Variants in TADA2A observed in about 807,000 individuals in gnomAD.
TADA2A encodes transcriptional adapter 2-alpha.
A neutral mutation model predicts 67.4 loss-of-function variants in TADA2A; 38 were observed. That is an observed-to-expected ratio of 0.56 (90% CI 0.44 to 0.74). TADA2A has a LOEUF of 0.74. TADA2A is among the 30% of genes least tolerant of loss of function. TADA2A has a pLI of 0.00. For missense variants in TADA2A, 454 were observed against 547.0 expected, an observed-to-expected ratio of 0.83 and a Z score of 1.70; for synonymous variants, 192 against 181.6, an observed-to-expected ratio of 1.06 and a Z score of -0.46.
At chr17:37,460,111 A>G in intron 9 of TADA2A, among the ~76,000 whole-genome samples, 1 of 150,060 alleles carries the variant, frequency 6.7e-6, no homozygotes, top group East Asian at 2.0e-4. Context: ...ACAGGGTCTC[A>G]CAATGTTGCC....
In TADA2A at chr17:37,458,637, T is replaced by TTTTTTGTG. The variant is rs1230849870; in HGVS notation, c.668+51_668+52insTTTTGTGT. The TTTTTTGTG allele has an allele frequency of 7.1e-6, 7 of 981,564 alleles. No individual in the cohort carries two copies. The South Asian group carries it at 8.9e-5, about 13-fold the overall frequency. The allele number at this position is 981,564 out of a possible 1,614,324, so 60.8% of individuals were successfully genotyped here. A position where few individuals can be genotyped will look rare whatever the true frequency, so the allele number is the denominator to read the frequency against. On this transcript the variant is annotated intron_variant, in intron 9 of 15. Coordinates refer to ENST00000615182, the MANE Select transcript of TADA2A (RefSeq NM_001166105.3). ...CTCCTTTCAGCTTTGGATTATTGTT[T>TTTTTTGTG]TGTGTGTGTGTGTGTGTGTGTGTGT...
rs1192284555 is a variant in TADA2A at position 37,406,966 on chromosome 17, C to T, written c.-98+17C>T. On this transcript the variant is annotated intron_variant, in intron 1 of 15. Transcript: ENST00000615182. ...CTCGGCGAGGTGAGGCGCCAGGCAG[C>T]GCTGGGCGGGCGGGCGGGCGGGTGG... is the stretch of plus-strand genomic sequence containing the variant. 2 of 50,968 alleles carry T rather than the reference C, an allele frequency of 3.9e-5. No individual in the cohort carries two copies. Among genetic ancestry groups the T allele is most frequent in the Non-Finnish European group, 3.3e-5 (1 of 30,584 alleles). The allele number at this position is 50,968 out of a possible 1,614,324, so 3.2% of individuals were successfully genotyped here.
At position 37,478,995 on chromosome 17, in the gene TADA2A, C is replaced by T. The variant is rs1216676227; in HGVS notation, c.*2013C>T. Reference sequence around the variant, plus strand: ...CCCCTAGTTGGTTGTGAAGTGATTGCCTCTTATCCCTGAAAGGAAACTCCT... The same window carrying T: ...CCCCTAGTTGGTTGTGAAGTGATTGTCTCTTATCCCTGAAAGGAAACTCCT... On this transcript the variant is annotated 3_prime_UTR_variant, in exon 16 of 16. Transcript: ENST00000615182. The T allele has an allele frequency of 6.6e-6, 1 of 152,150 alleles. No homozygotes were observed. The highest frequency in any genetic ancestry group is 2.1e-4 in the South Asian group (1 of 4,828). The allele number at this position is 152,150 out of a possible 1,614,324, so 9.4% of individuals were successfully genotyped here. A position where few individuals can be genotyped will look rare whatever the true frequency, so the allele number is the denominator to read the frequency against.
intron 4 of TADA2A, among the ~76,000 whole-genome samples, chr17:37,427,423 C>G (rs1352034028): frequency 1.3e-5 from 2 of 152,154 alleles, no homozygotes; most frequent in East Asian, 3.8e-4. Context: ...AGTTCATTCC[C>G]TTGCCTTGGG....
intron 4 of TADA2A, among the ~76,000 whole-genome samples, chr17:37,427,475 C>T (rs1278711574): frequency 1.3e-5 from 2 of 152,146 alleles, no homozygotes; most frequent in Non-Finnish European, 2.9e-5. Flanking sequence ...AAAGTGAACA[C>T]AGCAAATGAA....
At chr17:37,418,000 C>G (rs1164737013) in intron 2 of TADA2A, among the ~76,000 whole-genome samples, 3 of 152,162 alleles carry the variant, frequency 2.0e-5, no homozygotes, top group African/African-American at 7.2e-5. Flanking sequence ...GTACTAGATA[C>G]TTGAACCCAT....
chr17:37,460,356 G>A (rs2053519215), intron 9 of TADA2A, among the ~76,000 whole-genome samples: 1 of 151,786 alleles, frequency 6.6e-6, no homozygotes, highest in African/African-American at 2.4e-5. Context: ...AGCAATTATC[G>A]TGCCTCAGCC....
chr17:37,442,707 T>C (rs1182511208), intron 7 of TADA2A, 55 bp downstream of exon 7: 1 of 1,532,700 alleles, frequency 6.5e-7, no homozygotes, highest in African/African-American at 1.4e-5. Flanking sequence ...TTGTTTCTCA[T>C]GAGCCTTCTG....
intron 8 of TADA2A, among the ~76,000 whole-genome samples, chr17:37,453,443 A>G (rs907656975): frequency 4.6e-5 from 7 of 152,154 alleles, no homozygotes; most frequent in African/African-American, 1.7e-4. Flanking sequence ...TGTGGCTTCC[A>G]GTTGTTCCAT....
Position 37,462,084 on chromosome 17 carries a change from A to G in TADA2A, c.675A>G (p.Ile225Met). 1 of 1,572,460 alleles carries G rather than the reference A, an allele frequency of 6.4e-7. No homozygotes were observed. The highest frequency in any genetic ancestry group is 8.7e-7 in the Non-Finnish European group (1 of 1,150,382). Residue 225 changes from isoleucine to methionine, a missense_variant, in exon 10 of 16, where the codon ATA becomes ATG. Physicochemically the swap from Ile to Met is conservative, Grantham distance 10 (BLOSUM62 1). Transcript: ENST00000615182. Reference sequence around the variant, plus strand: ...TTGTGGCTTTTCATTCTAGAATTATAAGAGACCATGGATTAATCAACCTTA... The same window carrying G: ...TTGTGGCTTTTCATTCTAGAATTATGAGAGACCATGGATTAATCAACCTTA... ...LKERQRRKKI[I>M]RDHGLINLRK... is the part of the protein sequence containing the mutation.
rs923855593 is a variant in TADA2A, at chr17:37,469,455, G to T, written c.896-945G>T. 2.0e-5 allele frequency among the ~76,000 whole-genome samples: 3 copies of T among 151,776 alleles called. No individual in the cohort carries two copies. The East Asian group carries it at 5.9e-4, about 30-fold the overall frequency. On this transcript the variant is annotated intron_variant, in intron 12 of 15. Transcript: ENST00000615182. The stretch of plus-strand genomic sequence containing the variant: ...TCAAGACCAGCCTGACCAACATGGA[G>T]AAACCCCGTGTCTACTAAAAATACA...
At chr17:37,409,530 G>GCTGAGGTGGGCAGATCGC (rs2051791058) in intron 1 of TADA2A, among the ~76,000 whole-genome samples, 2 of 152,056 alleles carry the variant, frequency 1.3e-5, no homozygotes, top group African/African-American at 2.4e-5. Context: ...ACTTGGGGAG[G>GCTGAGGTGGGCAGATCGC]CTGAGGTGGG....
At chr17:37,467,131 C>T (rs532928814) in intron 11 of TADA2A, among the ~76,000 whole-genome samples, 3 of 151,916 alleles carry the variant, frequency 2.0e-5, no homozygotes, top group South Asian at 4.2e-4. Context: ...GCAGCCTGGG[C>T]GACAGAGCGA....
At position 37,432,845 on chromosome 17, in the gene TADA2A, G is replaced by C. The variant is rs145905191; in HGVS notation, c.193-4893G>C. ...TATATGAGAGTTCTGATTGCTTCAT[G>C]TGCTTGCCAACATTTGGCATTGTCA... On this transcript the variant is annotated intron_variant, in intron 4 of 15. Transcript: ENST00000615182. 1.1e-4 allele frequency among the ~76,000 whole-genome samples: 17 copies of C among 149,828 alleles called. No individual in the cohort carries two copies. The East Asian group carries it at 3.4e-3, about 30-fold the overall frequency.
intron 15 of TADA2A, among the ~76,000 whole-genome samples, chr17:37,475,151 TA>T (rs1297167134): frequency 6.6e-6 from 1 of 151,910 alleles, no homozygotes; most frequent in Non-Finnish European, 1.5e-5. Context: ...TTTTAAAAAT[TA>T]TTTTTTATTT....
intron 2 of TADA2A, among the ~76,000 whole-genome samples, chr17:37,418,758 T>C (rs1314775711): frequency 6.6e-6 from 1 of 151,874 alleles, no homozygotes; most frequent in Non-Finnish European, 1.5e-5. Context: ...TCCAGCTAAT[T>C]TTTTATTTTT....
intron 2 of TADA2A, among the ~76,000 whole-genome samples, chr17:37,411,788 G>A (rs1041437377): frequency 1.1e-4 from 17 of 151,916 alleles, no homozygotes; most frequent in African/African-American, 3.6e-4. Context: ...AAAAATAAAC[G>A]ATGAAGTTAG....
At chr17:37,466,044 T>A (rs2053657942) in intron 11 of TADA2A, among the ~76,000 whole-genome samples, 2 of 152,244 alleles carry the variant, frequency 1.3e-5, no homozygotes, top group South Asian at 2.1e-4. Flanking sequence ...GAGATAGTAC[T>A]TCCATCGATC....
Position 37,478,159 on chromosome 17 carries a change from G to A in TADA2A, c.*1177G>A. The A allele has an allele frequency of 6.6e-6, 1 of 151,468 alleles. No homozygotes were observed. The highest frequency in any genetic ancestry group is 1.5e-5 in the Non-Finnish European group (1 of 67,884). The allele number at this position is 151,468 out of a possible 1,614,324, so 9.4% of individuals were successfully genotyped here. On this transcript the variant is annotated 3_prime_UTR_variant, in exon 16 of 16. Transcript: ENST00000615182. The stretch of plus-strand genomic sequence containing the variant: ...AAAAAAACCTTTAATGTCTGGCTTT[G>A]TACTTTGCAGTCTGCCTGTCTAATC...
Sources: gnomAD v4.1 joint callset for allele counts (sites outside exome capture counted in the v4.1 genomes callset) on GRCh38, gnomAD v4.1.1 for gene constraint, MANE v1.5 for transcripts, NCBI Gene and HGNC (gene_info 2026-07-23, HGNC 2026-07-21) for gene names.